ST3GAL3: variants seen among roughly 807,000 people sequenced by gnomAD.
ST3GAL3 encodes CMP-N-acetylneuraminate-beta-1,4-galactoside alpha-2,3-sialyltransferase.
ST3GAL3 carries 21 observed loss-of-function variants against 50.1 expected under a neutral mutation model. The ratio of observed to expected loss-of-function variants is 0.42; its 90% CI spans 0.30 to 0.60. The LOEUF (loss-of-function observed/expected upper bound fraction) is 0.60, where lower values mean the gene tolerates loss of function less well. Among genes scored for constraint, ST3GAL3 ranks in the 20% least tolerant of loss-of-function variants. ST3GAL3 has a pLI of 0.19. For synonymous variants in ST3GAL3, 183 were observed against 190.0 expected (o/e 0.96, Z 0.30); for missense variants, 353 against 489.4 (o/e 0.72, Z 2.63).
intron 2 of ST3GAL3, among the ~76,000 whole-genome samples, chr1:43,773,658 TATCTC>T (rs1254264216): frequency 1.3e-5 from 2 of 152,356 alleles, no homozygotes; most frequent in East Asian, 3.9e-4. Context: ...TTTCCTCAAA[TATCTC>T]AGTTTGCACC....
At chr1:43,883,608 C>T (rs6680928) in intron 5 of ST3GAL3, among the ~76,000 whole-genome samples, 5,082 of 152,280 alleles carry the variant, frequency 0.033, 316 homozygotes, top group African/African-American at 0.12. Flanking sequence ...TTTGTTTACA[C>T]CTAGTCAGAA....
chr1:43,851,683 T>A lies in ST3GAL3; in HGVS notation c.302+13372T>A, dbSNP rs372448856. On this transcript the variant is annotated intron_variant, in intron 5 of 11. Coordinates refer to ENST00000347631, the MANE Select transcript of ST3GAL3 (RefSeq NM_006279.5). The stretch of plus-strand genomic sequence containing the variant: ...GGGGCTGCGCCAGCATCTTGTCATG[T>A]GAGGACCACAGGTCAGCATCCTTGT... 9.0e-6 allele frequency: 12 copies of A among 1,332,208 alleles called. No individual in the cohort carries two copies. The East Asian group carries it at 2.8e-4, about 31-fold the overall frequency. The allele number at this position is 1,332,208 out of a possible 1,614,324, so 82.5% of individuals were successfully genotyped here.
At chr1:43,928,907 C>A (rs1248779733) in intron 11 of ST3GAL3, among the ~76,000 whole-genome samples, 1 of 152,140 alleles carries the variant, frequency 6.6e-6, no homozygotes, top group African/African-American at 2.4e-5. Context: ...GAAACTCTGT[C>A]TCAAAAATAA....
intron 4 of ST3GAL3, among the ~76,000 whole-genome samples, chr1:43,834,109 C>T (rs574239899): frequency 2.6e-5 from 4 of 152,144 alleles, no homozygotes; most frequent in South Asian, 4.1e-4. Context: ...TGCAGTGAGC[C>T]GAGATCATGC....
chr1:43,877,734 C>T (rs904260674), intron 5 of ST3GAL3, among the ~76,000 whole-genome samples: 1 of 152,152 alleles, frequency 6.6e-6, no homozygotes, highest in East Asian at 1.9e-4. Flanking sequence ...CCAGCCTTTT[C>T]TTTATAAAAC....
At chr1:43,734,034 C>T (rs368188269) in intron 1 of ST3GAL3, among the ~76,000 whole-genome samples, 60 of 151,954 alleles carry the variant, frequency 3.9e-4, no homozygotes, top group East Asian at 1.4e-3. Flanking sequence ...CGCTTGAACC[C>T]GGGGAGGTGG....
At chr1:43,900,502 G>A (rs139746884) in intron 9 of ST3GAL3, among the ~76,000 whole-genome samples, 67 of 151,848 alleles carry the variant, frequency 4.4e-4, no homozygotes, top group African/African-American at 1.6e-3. Context: ...AGGGACATCC[G>A]TGAACTTGTC....
intron 1 of ST3GAL3, among the ~76,000 whole-genome samples, chr1:43,733,388 A>G: frequency 6.6e-6 from 1 of 152,236 alleles, no homozygotes; most frequent in South Asian, 2.1e-4. Flanking sequence ...ACAGGTAAGC[A>G]TGCTAACAGC....
chr1:43,865,009 CTA>C (rs1465361440), intron 5 of ST3GAL3, among the ~76,000 whole-genome samples: 2 of 141,170 alleles, frequency 1.4e-5, no homozygotes, highest in African/African-American at 5.0e-5. Flanking sequence ...AACAGAGTAT[CTA>C]TGTACAACAT....
At chr1:43,785,177 C>T (rs1258130920) in intron 2 of ST3GAL3, among the ~76,000 whole-genome samples, 1 of 152,104 alleles carries the variant, frequency 6.6e-6, no homozygotes, top group African/African-American at 2.4e-5. Context: ...AAACAGGTGG[C>T]GACGTGAACA....
At chr1:43,731,590 G>T (rs1371184938) in intron 1 of ST3GAL3, among the ~76,000 whole-genome samples, 1 of 149,586 alleles carries the variant, frequency 6.7e-6, no homozygotes, top group African/African-American at 2.5e-5. Flanking sequence ...GTAGAGATGG[G>T]GTTTCACTGT....
chr1:43,863,631 G>A (rs1373220952), intron 5 of ST3GAL3, among the ~76,000 whole-genome samples: 1 of 152,212 alleles, frequency 6.6e-6, no homozygotes, highest in African/African-American at 2.4e-5. Flanking sequence ...GTTGGGGAAA[G>A]CATAGCTCCA....
At chr1:43,892,571 A>G (rs2076831031) in intron 5 of ST3GAL3, among the ~76,000 whole-genome samples, 1 of 152,206 alleles carries the variant, frequency 6.6e-6, no homozygotes, top group Non-Finnish European at 1.5e-5. Flanking sequence ...AATTAACACG[A>G]TACAGGTTGC....
chr1:43,847,414 A>T (rs1406186306), intron 5 of ST3GAL3, among the ~76,000 whole-genome samples: 1 of 152,218 alleles, frequency 6.6e-6, no homozygotes, highest in Non-Finnish European at 1.5e-5. Flanking sequence ...GGATAAACAA[A>T]ATGTGGTATG....
intron 5 of ST3GAL3, among the ~76,000 whole-genome samples, chr1:43,876,836 T>TATTC (rs933281971): frequency 8.5e-5 from 13 of 152,206 alleles, no homozygotes; most frequent in Admixed American, 2.6e-4. Context: ...TTGTTGTAGC[T>TATTC]ATTCATTCAT....
At chr1:43,777,357 A>G (rs1055602970) in intron 2 of ST3GAL3, among the ~76,000 whole-genome samples, 2 of 152,210 alleles carry the variant, frequency 1.3e-5, no homozygotes, top group Admixed American at 6.5e-5. Context: ...TGGAGGCATC[A>G]TACTACCCAA....
intron 2 of ST3GAL3, among the ~76,000 whole-genome samples, chr1:43,747,266 G>A (rs575416103): frequency 1.3e-3 from 193 of 152,102 alleles, no homozygotes; most frequent in African/African-American, 4.4e-3. Context: ...AAATTAGCCT[G>A]CCGGACATGG....
intron 2 of ST3GAL3, among the ~76,000 whole-genome samples, chr1:43,784,564 T>C (rs1349906701): frequency 6.6e-6 from 1 of 152,186 alleles, no homozygotes; most frequent in Admixed American, 6.6e-5. Context: ...CTCTAGAGAC[T>C]TGTAATATCG....
intron 4 of ST3GAL3, among the ~76,000 whole-genome samples, chr1:43,836,149 A>G (rs1046175959): frequency 4.6e-5 from 7 of 152,276 alleles, no homozygotes; most frequent in Admixed American, 2.0e-4. Context: ...AACTGAAAAC[A>G]TCTAGAACGT....
Sources: gnomAD v4.1 joint callset for allele counts (sites outside exome capture counted in the v4.1 genomes callset) on GRCh38, gnomAD v4.1.1 for gene constraint, MANE v1.5 for transcripts, NCBI Gene and HGNC (gene_info 2026-07-23, HGNC 2026-07-21) for gene names.